The following MNS1 variants were observed in gnomAD, a reference collection of about 807,000 sequenced individuals.
MNS1 encodes meiosis-specific nuclear structural protein 1.
MNS1 carries 63 observed loss-of-function variants against 72.0 expected under a neutral mutation model. That is an observed-to-expected ratio of 0.87 (90% CI 0.71 to 1.08). The LOEUF (loss-of-function observed/expected upper bound fraction) is 1.08, where lower values mean the gene tolerates loss of function less well. Among genes scored for constraint, MNS1 ranks in the 50% least tolerant of loss-of-function variants. The probability of loss-of-function intolerance (pLI) is 0.00; values close to 1 mark genes in which losing one functional copy is unlikely to be tolerated. For missense variants in MNS1, 604 were observed against 562.4 expected (o/e 1.07, Z -0.75); for synonymous variants, 188 against 172.1 (o/e 1.09, Z -0.72).
intron 7 of MNS1, among the ~76,000 whole-genome samples, chr15:56,442,559 TA>T (rs1256440805): frequency 6.6e-6 from 1 of 152,078 alleles, no homozygotes; most frequent in African/African-American, 2.4e-5. Flanking sequence ...TACACAGCCA[TA>T]AAAAAGAACA....
In MNS1 at chr15:56,428,833, G is replaced by A. The variant is rs1443621690; in HGVS notation, c.*268C>T. The A allele has an allele frequency of 2.5e-6, 1 of 394,920 alleles. No individual in the cohort carries two copies. The highest frequency in any genetic ancestry group is 4.5e-5 in the South Asian group (1 of 22,210). The allele number at this position is 394,920 out of a possible 1,614,324, so 24.5% of individuals were successfully genotyped here. On this transcript the variant is annotated 3_prime_UTR_variant, in exon 10 of 10. Transcript: ENST00000260453. ...TGGGGTAGAGTTCTGTATTAGTCAAGGTAAATATACTGTCTTGAGGATGGG... is the reference window on the plus strand; with the variant it reads ...TGGGGTAGAGTTCTGTATTAGTCAAAGTAAATATACTGTCTTGAGGATGGG...
At chr15:56,452,809 C>T (rs777318284) in intron 3 of MNS1, among the ~76,000 whole-genome samples, 145 of 152,204 alleles carry the variant, frequency 9.5e-4, no homozygotes, top group Non-Finnish European at 1.6e-3. Flanking sequence ...TGAGCCACCG[C>T]ACCCGGCCTA....
At chr15:56,432,363 G>A (rs537328147) in intron 8 of MNS1, among the ~76,000 whole-genome samples, 1 of 152,308 alleles carries the variant, frequency 6.6e-6, no homozygotes, top group East Asian at 1.9e-4. Flanking sequence ...CTCCTGGGAA[G>A]TTTCAGATTT....
intron 7 of MNS1, among the ~76,000 whole-genome samples, chr15:56,435,707 G>C (rs1346681391): frequency 6.6e-6 from 1 of 151,912 alleles, no homozygotes; most frequent in Non-Finnish European, 1.5e-5. Flanking sequence ...AAAACCCCAA[G>C]TCAGGATGGT....
At chr15:56,454,256 G>T (rs887459572) in intron 3 of MNS1, among the ~76,000 whole-genome samples, 4 of 151,988 alleles carry the variant, frequency 2.6e-5, no homozygotes. Flanking sequence ...ATATTTATGG[G>T]GTACATGAGA....
rs1247965832 is a variant in MNS1 at position 56,443,844 on chromosome 15, G to A, written c.697C>T (p.Gln233Ter). The A allele has an allele frequency of 2.5e-6, 4 of 1,594,666 alleles. No individual in the cohort carries two copies. Among genetic ancestry groups the A allele is most frequent in the Non-Finnish European group, 3.4e-6 (4 of 1,173,284 alleles). Residue 233 changes from glutamine (Q) to a stop codon, truncating the protein, a stop_gained, in exon 6 of 10, where the codon CAA becomes TAA. Transcript: ENST00000260453. LOFTEE classifies it high-confidence loss of function. ...IYEEDQLEKQ[Q>*]KLEKMNAMRR... ...ATTGCATTCATTTTTTCTAACTTTTGTTGTTTTTCCCTGAAAAGCAATAAC... is the reference window on the plus strand; with the variant it reads ...ATTGCATTCATTTTTTCTAACTTTTATTGTTTTTCCCTGAAAAGCAATAAC...
intron 4 of MNS1, chr15:56,445,529 GATAAT>G (rs1355771171): frequency 6.6e-6 from 1 of 151,948 alleles, no homozygotes; most frequent in Non-Finnish European, 1.5e-5. Flanking sequence ...CATATACTCT[GATAAT>G]ATGACTTGAC....
chr15:56,457,896 CT>C (rs35713326), intron 2 of MNS1, among the ~76,000 whole-genome samples: 2 of 151,540 alleles, frequency 1.3e-5, no homozygotes, highest in Non-Finnish European at 1.5e-5. Flanking sequence ...GAAATGAAAA[CT>C]TTTTATTTAA....
intron 7 of MNS1, among the ~76,000 whole-genome samples, chr15:56,438,670 C>T (rs548464968): frequency 3.8e-4 from 57 of 151,980 alleles, no homozygotes; most frequent in Admixed American, 2.6e-3. Context: ...AAAGAGCTTC[C>T]GCACAGCAAA....
At chr15:56,460,969 C>G (rs2051016445) in intron 2 of MNS1, among the ~76,000 whole-genome samples, 1 of 152,040 alleles carries the variant, frequency 6.6e-6, no homozygotes. Flanking sequence ...AGTCCTAAAG[C>G]CTGAGAACCA....
chr15:56,456,566 T>A, intron 2 of MNS1, 45 bp from the exon 3 acceptor site: 1 of 1,584,192 alleles, frequency 6.3e-7, no homozygotes, highest in African/African-American at 1.4e-5. Flanking sequence ...TAGAATCAGA[T>A]TTTTTTCATC....
At position 56,444,616 on chromosome 15, in the gene MNS1, C is replaced by T; in HGVS notation, c.514G>A (p.Glu172Lys). Reference protein sequence around the residue: ...MMEEHKRIIKEENAAEDKRNK... With the variant: ...MMEEHKRIIKKENAAEDKRNK... ...CGTTTGTCTTCTGCAGCATTCTCTT[C>T]CTTTATTATTCTCTTGTGTTCTTCC... Residue 172 changes from glutamate (E) to lysine (K), a missense_variant, in exon 5 of 10, where the codon GAA becomes AAA. Transcript: ENST00000260453. The T allele has an allele frequency of 5.6e-6, 9 of 1,613,084 alleles. No homozygotes were observed. The highest frequency in any genetic ancestry group is 7.6e-6 in the Non-Finnish European group (9 of 1,179,516).
intron 2 of MNS1, among the ~76,000 whole-genome samples, chr15:56,458,195 G>C (rs867123981): frequency 3.9e-5 from 6 of 152,076 alleles, no homozygotes; most frequent in Non-Finnish European, 2.9e-5. Flanking sequence ...AATTCATATA[G>C]CATAAAATTC....
In MNS1 at chr15:56,428,979, G is replaced by A. The variant is rs991774089; in HGVS notation, c.*122C>T. On this transcript the variant is annotated 3_prime_UTR_variant, in exon 10 of 10. Coordinates refer to ENST00000260453, the MANE Select transcript of MNS1 (RefSeq NM_018365.4). ...TTGTTTACAAGTTATGAAATTCAGT[G>A]ATGATTTACAAAATCCAAACAGACA... 5.3e-6 allele frequency: 3 copies of A among 567,282 alleles called. No individual in the cohort carries two copies. Among genetic ancestry groups the A allele is most frequent in the Non-Finnish European group, 9.1e-6 (3 of 327,946 alleles). The allele number at this position is 567,282 out of a possible 1,614,324, so 35.1% of individuals were successfully genotyped here.
At chr15:56,464,936 A>G in intron 1 of MNS1, 34 bp downstream of exon 1, 2 of 1,611,102 alleles carry the variant, frequency 1.2e-6, no homozygotes, top group East Asian at 2.2e-5. Flanking sequence ...AATCAACAAT[A>G]AACAAGTAGT....
intron 7 of MNS1, among the ~76,000 whole-genome samples, chr15:56,442,521 A>T (rs772127607): frequency 2.3e-4 from 35 of 152,316 alleles, no homozygotes; most frequent in Non-Finnish European, 3.8e-4. Context: ...GGATAAATAA[A>T]ATGTGGTACA....
At chr15:56,453,107 T>A (rs1477590) in intron 3 of MNS1, among the ~76,000 whole-genome samples, 1 of 151,960 alleles carries the variant, frequency 6.6e-6, no homozygotes, top group Non-Finnish European at 1.5e-5. Flanking sequence ...GTGAATAAAT[T>A]TATTCATTAT....
At chr15:56,453,928 T>A (rs574463921) in intron 3 of MNS1, among the ~76,000 whole-genome samples, 1 of 152,244 alleles carries the variant, frequency 6.6e-6, no homozygotes, top group African/African-American at 2.4e-5. Flanking sequence ...TTAATATAGG[T>A]GATTTTAAAT....
intron 9 of MNS1, chr15:56,429,709 C>T (rs1329897681): frequency 1.3e-5 from 2 of 152,126 alleles, no homozygotes; most frequent in African/African-American, 4.8e-5. Context: ...TTTTCCCCTA[C>T]AGTATACTGC....
Sources: allele counts gnomAD v4.1 joint callset (sites outside exome capture counted in the v4.1 genomes callset), GRCh38; gene constraint gnomAD v4.1.1; transcripts MANE v1.5; gene names NCBI Gene and HGNC (gene_info 2026-07-23, HGNC 2026-07-21).